ARAF: variants seen among roughly 807,000 people sequenced by gnomAD.
ARAF encodes the protein serine/threonine-protein kinase A-Raf.
ARAF carries 18 observed loss-of-function variants against 48.0 expected under a neutral mutation model. The ratio of observed to expected loss-of-function variants is 0.37; its 90% CI spans 0.26 to 0.56. The LOEUF (loss-of-function observed/expected upper bound fraction) is 0.56. Among genes scored for constraint, ARAF ranks in the 20% least tolerant of loss-of-function variants. The pLI, the probability that ARAF is intolerant of heterozygous loss-of-function variation, is 0.77. For synonymous variants in ARAF, 207 were observed against 220.1 expected, an observed-to-expected ratio of 0.94 and a Z score of 0.53; for missense variants, 389 against 543.1, an observed-to-expected ratio of 0.72 and a Z score of 2.82.
At chrX:47,563,416 CAG>C (rs775364679) in intron 3 of ARAF, 87 bp downstream of exon 3, 69 of 718,076 alleles carry the variant, frequency 9.6e-5, no homozygotes, top group South Asian at 6.8e-4. Context: ...TACTTTATCA[CAG>C]AGTCTTCCAT....
At chrX:47,567,980 A>G (rs1169480783) in intron 10 of ARAF, among the ~76,000 whole-genome samples, 2 of 111,554 alleles carry the variant, frequency 1.8e-5, no homozygotes, top group Non-Finnish European at 3.8e-5. Flanking sequence ...TATAGTTACT[A>G]TGTAGCATAG....
In ARAF at chrX:47,563,017, C is replaced by A; in HGVS notation, c.50C>A (p.Ala17Glu). The stretch of plus-strand genomic sequence containing the variant: ...GCCAATGGGGCCGAGCCATCCCGGG[C>A]AGTGGGCACCGTCAAAGTATACCTG... ...PPANGAEPSR[A>E]VGTVKVYLPN... Residue 17 changes from alanine (A) to glutamate (E), a missense_variant, in exon 2 of 16, where the codon GCA becomes GAA. By Grantham distance (107) the Ala-to-Glu change is moderately radical. Around this residue, in one of 4 missense-constraint regions of ARAF, gnomAD observed 47 missense variants for 66.9 expected, o/e 0.70. Transcript: ENST00000377045. 8.3e-7 allele frequency: 1 copy of A among 1,198,791 alleles called. No homozygotes were observed. The highest frequency in any genetic ancestry group is 2.2e-5 in the Admixed American group (1 of 44,562).
rs34644595 is a variant in ARAF at position 47,571,110 on chromosome X, AGTGTGTGTGT to A, written c.1686+121_1686+130del. 223 of 816,868 alleles carry A rather than the reference AGTGTGTGTGT, an allele frequency of 2.7e-4. No individual in the cohort carries two copies. In the East Asian group the frequency reaches 7.4e-3, roughly 27 times the overall value. The allele number at this position is 816,868 out of a possible 1,213,427, so 67.3% of individuals were successfully genotyped here. On this transcript the variant is annotated intron_variant, in intron 15 of 15. Transcript: ENST00000377045. ...TGTGAATATGAAAGCTCAGAGGTATAGTGTGTGTGTGTGTGTGTGTGTGTGTGTGTGTTTC... is the reference window on the plus strand; with the variant it reads ...TGTGAATATGAAAGCTCAGAGGTATAGTGTGTGTGTGTGTGTGTGTGTTTC...
intron 1 of ARAF, among the ~76,000 whole-genome samples, chrX:47,562,301 T>G (rs1415707330): frequency 9.2e-6 from 1 of 108,872 alleles, no homozygotes; most frequent in Non-Finnish European, 1.9e-5. Context: ...CTGGCCAACA[T>G]GGTGAAACCC....
At position 47,566,760 on chromosome X, in the gene ARAF, A is replaced by G. The variant is rs747850611; in HGVS notation, c.679A>G (p.Met227Val). 64 of 1,207,428 alleles carry G rather than the reference A, an allele frequency of 5.3e-5. No homozygotes were observed. Among genetic ancestry groups the G allele is most frequent in the Non-Finnish European group, 6.9e-5 (62 of 893,939 alleles). Reference protein sequence around the residue: ...NVHMVSTTAPMDSNLIQLTGQ... With the variant: ...NVHMVSTTAPVDSNLIQLTGQ... ...CCATATGGTCAGCACCACGGCCCCC[A>G]TGGACTCCAACCTCATCCAGGTTGG... Residue 227 changes from methionine (M) to valine (V), a missense_variant, in exon 7 of 16, where the codon ATG becomes GTG. Around this residue, in one of 4 missense-constraint regions of ARAF, gnomAD observed 154 missense variants for 133.6 expected, o/e 1.15. Transcript: ENST00000377045.
chrX:47,565,484 T>C, intron 6 of ARAF, 134 bp downstream of exon 6: 1 of 1,019,171 alleles, frequency 9.8e-7, no homozygotes, highest in Non-Finnish European at 1.3e-6. Flanking sequence ...AGTAAGGGCA[T>C]GAAACTGGGA....
intron 10 of ARAF, 119 bp downstream of exon 10, chrX:47,567,551 A>T: frequency 1.2e-6 from 1 of 825,612 alleles, no homozygotes; most frequent in Non-Finnish European, 1.7e-6. Context: ...TTAAACCATC[A>T]TCAGAAGTTG....
At chrX:47,567,565 C>T (rs2057739259) in intron 10 of ARAF, 133 bp downstream of exon 10, 15 of 720,626 alleles carry the variant, frequency 2.1e-5, no homozygotes, top group Non-Finnish European at 2.9e-5. Context: ...GAAGTTGTTT[C>T]TCTCTGAAGG....
At chrX:47,562,501 G>GAA (rs751373820) in intron 1 of ARAF, among the ~76,000 whole-genome samples, 29 of 67,343 alleles carry the variant, frequency 4.3e-4, no homozygotes, top group African/African-American at 9.7e-4. Flanking sequence ...AAAAAAAACA[G>GAA]AAAAAAAAAA....
At chrX:47,565,220 TC>T (rs1426312175) in intron 5 of ARAF, 31 bp from the exon 6 acceptor site, 13 of 1,207,749 alleles carry the variant, frequency 1.1e-5, no homozygotes, top group Non-Finnish European at 1.5e-5. Context: ...CTGACCCGTG[TC>T]CCCTTGCTTT....
chrX:47,563,214 A>T lies in ARAF; in HGVS notation c.97-12A>T, dbSNP rs750670489. Reference sequence around the variant, plus strand: ...GGGCATTGAGGACCCCTACATCTGCACATACACACAGGTGACTGTCCGGGA... The same window carrying T: ...GGGCATTGAGGACCCCTACATCTGCTCATACACACAGGTGACTGTCCGGGA... On this transcript the variant is annotated splice_polypyrimidine_tract_variant and intron_variant, in intron 2 of 15. Coordinates refer to ENST00000377045, the MANE Select transcript of ARAF (RefSeq NM_001654.5). The T allele has an allele frequency of 6.6e-6, 8 of 1,203,178 alleles. No individual in the cohort carries two copies. The East Asian group carries it at 2.4e-4, about 36-fold the overall frequency.
At chrX:47,562,268 G>C (rs1306627870) in intron 1 of ARAF, among the ~76,000 whole-genome samples, 1 of 109,941 alleles carries the variant, frequency 9.1e-6, no homozygotes, top group African/African-American at 3.3e-5. Flanking sequence ...TGGATCATCT[G>C]AGGTCAGGAG....
Position 47,566,954 on chromosome X carries a change from T to C in ARAF, c.728-32T>C, listed in dbSNP as rs373156329. 111 of 1,209,482 alleles carry C rather than the reference T, an allele frequency of 9.2e-5. No individual in the cohort carries two copies. The African/African-American group carries it at 1.8e-3, about 20-fold the overall frequency. The stretch of plus-strand genomic sequence containing the variant: ...GCACCCTGACCCCCGCTGCCCCACT[T>C]ACCTCCACTCACATCCTCTCTGCAA... On this transcript the variant is annotated intron_variant, in intron 8 of 15. Coordinates refer to ENST00000377045, the MANE Select transcript of ARAF (RefSeq NM_001654.5).
rs922116622 is a variant in ARAF at position 47,565,258 on chromosome X, C to T, written c.465C>T (p.Tyr155=). ...VDMSTNRQQF[Y]HSVQDLSGGS... is the part of the protein sequence containing the mutation. ...TACCCTTCATGCCCTCAAGGTTCTACCACAGTGTCCAGGATTTGTCCGGAG... is the reference window on the plus strand; with the variant it reads ...TACCCTTCATGCCCTCAAGGTTCTATCACAGTGTCCAGGATTTGTCCGGAG... Residue 155 remains tyrosine, a synonymous_variant, in exon 6 of 16, where the codon TAC becomes TAT. Transcript: ENST00000377045. The T allele has an allele frequency of 4.1e-6, 5 of 1,209,532 alleles. No homozygotes were observed. Among genetic ancestry groups the T allele is most frequent in the Non-Finnish European group, 5.6e-6 (5 of 895,086 alleles).
At chrX:47,562,334 A>T (rs2057712870) in intron 1 of ARAF, among the ~76,000 whole-genome samples, 1 of 108,403 alleles carries the variant, frequency 9.2e-6, no homozygotes. Context: ...AAATACAAAA[A>T]ATTAGCCGGG....
chrX:47,567,222 G>A lies in ARAF; in HGVS notation c.874-8G>A. Reference sequence around the variant, plus strand: ...AGGCCTCTTAGATGCCACCCATCTGGCCCACAGAAGAACCTGGGGTACCGG... The same window carrying A: ...AGGCCTCTTAGATGCCACCCATCTGACCCACAGAAGAACCTGGGGTACCGG... On this transcript the variant is annotated splice_region_variant and splice_polypyrimidine_tract_variant and intron_variant, in intron 9 of 15. Coordinates refer to ENST00000377045, the MANE Select transcript of ARAF (RefSeq NM_001654.5). 8.3e-7 allele frequency: 1 copy of A among 1,211,700 alleles called. No individual in the cohort carries two copies. Among genetic ancestry groups the A allele is most frequent in the South Asian group, 1.8e-5 (1 of 56,992 alleles).
At position 47,571,422 on chromosome X, in the gene ARAF, G is replaced by T; in HGVS notation, c.1786G>T (p.Ala596Ser). ...CCGCACCCAGGCCGATGAGTTGCCTGCCTGCCTACTCAGCGCAGCCCGCCT... is the reference window on the plus strand; with the variant it reads ...CCGCACCCAGGCCGATGAGTTGCCTTCCTGCCTACTCAGCGCAGCCCGCCT... Reference protein sequence around the residue: ...LHRTQADELPACLLSAARLVP With the variant: ...LHRTQADELPSCLLSAARLVP The change falls in exon 16 of 16, where the codon GCC (alanine) becomes TCC (serine). Residue 596 changes from alanine (A) to serine (S), a missense_variant. Physicochemically the swap from Ala to Ser is moderately conservative, Grantham distance 99 (BLOSUM62 1). Coordinates refer to ENST00000377045, the MANE Select transcript of ARAF (RefSeq NM_001654.5). The T allele has an allele frequency of 8.3e-7, 1 of 1,208,094 alleles. No individual in the cohort carries two copies. Among genetic ancestry groups the T allele is most frequent in the Non-Finnish European group, 1.1e-6 (1 of 893,828 alleles).
intron 14 of ARAF, 141 bp downstream of exon 14, chrX:47,570,165 T>G: frequency 1.4e-6 from 1 of 693,343 alleles, no homozygotes; most frequent in Non-Finnish European, 2.0e-6. Flanking sequence ...ACTCCCAGAA[T>G]CCCTTGGGCT....
At position 47,568,856 on chromosome X, in the gene ARAF, G is replaced by C. The variant is rs1194986687; in HGVS notation, c.1215G>C (p.Gln405His). 8.3e-7 allele frequency: 1 copy of C among 1,210,713 alleles called. No individual in the cohort carries two copies. The highest frequency in any genetic ancestry group is 3.0e-5 in the East Asian group (1 of 33,782). The change falls in exon 11 of 16, where the codon CAG becomes CAC. Residue 405 changes from glutamine to histidine, a missense_variant. Physicochemically the swap from Gln to His is conservative, Grantham distance 24. Transcript: ENST00000377045. The part of the protein sequence containing the change: ...HVADTRFDMV[Q>H]LIDVARQTAQ... ...CCGACACACGCTTCGACATGGTCCA[G>C]CTCATCGACGTGGCCCGGCAGACTG...
Sources: gnomAD v4.1 joint callset for allele counts (sites outside exome capture counted in the v4.1 genomes callset) on GRCh38, gnomAD v4.1.1 for gene constraint, gnomAD v4.1.1 regional missense constraint, MANE v1.5 for transcripts, NCBI Gene and HGNC (gene_info 2026-07-23, HGNC 2026-07-21) for gene names.